Variants in NUF2 observed in about 807,000 individuals in gnomAD.
NUF2 encodes NUF2 component of NDC80 kinetochore complex.
In NUF2, 34 loss-of-function variants were observed where a neutral mutation model predicts 61.8. The observed-to-expected ratio is 0.55, with a 90% confidence interval of 0.42 to 0.73. The LOEUF (loss-of-function observed/expected upper bound fraction) is 0.73. Ranked by LOEUF, NUF2 falls within the 30% of genes least tolerant of loss-of-function variation. The probability of loss-of-function intolerance (pLI) is 0.00; values close to 1 mark genes in which losing one functional copy is unlikely to be tolerated. For missense variants in NUF2, 445 were observed against 539.1 expected, an observed-to-expected ratio of 0.83 and a Z score of 1.73; for synonymous variants, 172 against 181.6, an observed-to-expected ratio of 0.95 and a Z score of 0.42.
intron 13 of NUF2, 83 bp downstream of exon 13, chr1:163,349,163 G>A: frequency 6.7e-6 from 8 of 1,202,422 alleles, no homozygotes; most frequent in Non-Finnish European, 9.3e-6. Flanking sequence ...AGCTTACTTG[G>A]TCTCTGTGTA....
intron 7 of NUF2, 22 bp from the exon 8 acceptor site, chr1:163,339,359 T>C (rs781187123): frequency 6.8e-7 from 1 of 1,467,510 alleles, no homozygotes; most frequent in Admixed American, 1.8e-5. Context: ...AGCAGTATTT[T>C]AATCTATTTT....
intron 1 of NUF2, among the ~76,000 whole-genome samples, chr1:163,325,447 T>G (rs1316239631): frequency 2.0e-5 from 3 of 152,342 alleles, no homozygotes; most frequent in Middle Eastern, 3.4e-3. Context: ...AAATGGTTTT[T>G]TGTTTTCTTA....
chr1:163,349,449 A>G (rs144067717), intron 13 of NUF2, among the ~76,000 whole-genome samples: 2 of 152,280 alleles, frequency 1.3e-5, no homozygotes, highest in East Asian at 3.9e-4. Flanking sequence ...TATGTCTTCA[A>G]GAGTGTTCTA....
At position 163,330,774 on chromosome 1, in the gene NUF2, T is replaced by A. The variant is rs1650568446; in HGVS notation, c.337+1867T>A. On this transcript the variant is annotated intron_variant, in intron 5 of 13. Transcript: ENST00000271452. ...TACTATAAATTTCAGAGTGCAGACC[T>A]TGTATAATAAATTTTGTTAAATTTA... 2.0e-5 allele frequency among the ~76,000 whole-genome samples: 3 copies of A among 152,112 alleles called. No homozygotes were observed. In the South Asian group the frequency reaches 6.2e-4, roughly 31 times the overall value.
chr1:163,323,588 T>C lies in NUF2; in HGVS notation c.-21+1376T>C, dbSNP rs370157538. ...CAAATTAACAGGGCGTGGTAGTGTG[T>C]GCCTGCTGTCGTCCTGGCTACTTGA... is the stretch of plus-strand genomic sequence containing the variant. On this transcript the variant is annotated intron_variant, in intron 1 of 13. Coordinates refer to ENST00000271452, the MANE Select transcript of NUF2 (RefSeq NM_145697.3). Among the ~76,000 whole-genome samples the C allele has an allele frequency of 5.3e-5, 8 of 152,118 alleles. No individual in the cohort carries two copies. In the East Asian group the frequency reaches 1.4e-3, roughly 26 times the overall value.
In NUF2 at chr1:163,339,483, T is replaced by A; in HGVS notation, c.606+6T>A. On this transcript the variant is annotated splice_donor_region_variant and intron_variant, in intron 8 of 13. Coordinates refer to ENST00000271452, the MANE Select transcript of NUF2 (RefSeq NM_145697.3). ...AGGATTTTCATCAAAAAACGGTATC[T>A]GTTGTGAGGCACCTTAAACTTTAAA... 1 of 1,544,888 alleles carries A rather than the reference T, an allele frequency of 6.5e-7. No homozygotes were observed. The highest frequency in any genetic ancestry group is 8.9e-7 in the Non-Finnish European group (1 of 1,120,150).
intron 9 of NUF2, among the ~76,000 whole-genome samples, chr1:163,342,963 G>A (rs1162875682): frequency 6.6e-6 from 1 of 152,102 alleles, no homozygotes; most frequent in Non-Finnish European, 1.5e-5. Context: ...GAGTCATAGA[G>A]GGTCCCCAAA....
rs745599322 is a variant in NUF2 at position 163,348,942 on chromosome 1, C to T, written c.1125-3C>T. On this transcript the variant is annotated splice_region_variant and splice_polypyrimidine_tract_variant and intron_variant, in intron 12 of 13. Coordinates refer to ENST00000271452, the MANE Select transcript of NUF2 (RefSeq NM_145697.3). ...AATATTAGCTGTCTCGATTTTCTTT[C>T]AGGGATTGCAATAAAGTTCAAGAAA... 20 of 1,599,972 alleles carry T rather than the reference C, an allele frequency of 1.3e-5. No homozygotes were observed. The Admixed American group carries it at 3.4e-4, about 27-fold the overall frequency.
intron 3 of NUF2, 37 bp from the exon 4 acceptor site, chr1:163,328,191 A>T: frequency 7.5e-7 from 1 of 1,335,896 alleles, no homozygotes; most frequent in Non-Finnish European, 1.1e-6. Context: ...TTGTCTAATC[A>T]ATGTGTAATG....
chr1:163,327,139 C>T (rs114082880), intron 2 of NUF2, among the ~76,000 whole-genome samples: 5,090 of 146,722 alleles, frequency 0.035, 144 homozygotes, highest in Middle Eastern at 0.074. Context: ...CACACACACA[C>T]ACATTTTCCA....
At chr1:163,323,196 G>A (rs1051894655) in intron 1 of NUF2, 1 of 152,166 alleles carries the variant, frequency 6.6e-6, no homozygotes, top group African/African-American at 2.4e-5. Flanking sequence ...GAGAAGAGAG[G>A]AACAAGTGAT....
chr1:163,341,295 C>T (rs1246438787), intron 9 of NUF2, among the ~76,000 whole-genome samples: 1 of 151,930 alleles, frequency 6.6e-6, no homozygotes, highest in Non-Finnish European at 1.5e-5. Flanking sequence ...CTGCAACCTC[C>T]ACCTCCTGGG....
At chr1:163,335,645 G>C (rs1650734433) in intron 5 of NUF2, among the ~76,000 whole-genome samples, 1 of 151,750 alleles carries the variant, frequency 6.6e-6, no homozygotes, top group Non-Finnish European at 1.5e-5. Flanking sequence ...CACTTTCTTG[G>C]ATATGGTTAT....
chr1:163,349,277 A>G (rs1038249793), intron 13 of NUF2, among the ~76,000 whole-genome samples, 197 bp downstream of exon 13: 1 of 152,292 alleles, frequency 6.6e-6, no homozygotes. Flanking sequence ...GAGAACAGGC[A>G]TCTTGTCTCC....
intron 13 of NUF2, among the ~76,000 whole-genome samples, chr1:163,351,290 A>C (rs1352890368): frequency 6.6e-6 from 1 of 152,150 alleles, no homozygotes; most frequent in Non-Finnish European, 1.5e-5. Context: ...CTTGCCCTTG[A>C]CTTATATTGA....
chr1:163,344,923 A>C (rs973820350), intron 10 of NUF2, among the ~76,000 whole-genome samples: 1 of 152,154 alleles, frequency 6.6e-6, no homozygotes, highest in Non-Finnish European at 1.5e-5. Context: ...CTCTTTTACA[A>C]AAATAAATTT....
chr1:163,347,435 C>G (rs558942701), intron 11 of NUF2, among the ~76,000 whole-genome samples: 2 of 152,288 alleles, frequency 1.3e-5, no homozygotes, highest in East Asian at 3.9e-4. Context: ...TTTCTAGCAC[C>G]TACCCTTTTC....
At chr1:163,328,459 CTG>C in intron 4 of NUF2, 155 bp downstream of exon 4, 1 of 534,848 alleles carries the variant, frequency 1.9e-6, no homozygotes. Flanking sequence ...AAATTGTAGA[CTG>C]TCATCAAACA....
rs963686681 is a variant in NUF2, at chr1:163,334,612, C to CA, written c.338-2131dup. Among the ~76,000 whole-genome samples, 18 of 151,760 alleles carry CA rather than the reference C, an allele frequency of 1.2e-4. 1 individual carries two copies. The highest frequency in any genetic ancestry group is 3.4e-4 in the African/African-American group (14 of 41,382). ...GCAATATAGCAAGATCCTTTTTCTACAAAAAAAATGTTAAAAATGAGCCAG... is the reference window on the plus strand; with the variant it reads ...GCAATATAGCAAGATCCTTTTTCTACAAAAAAAAATGTTAAAAATGAGCCAG... On this transcript the variant is annotated intron_variant, in intron 5 of 13. Transcript: ENST00000271452.
Sources: allele counts gnomAD v4.1 joint callset (sites outside exome capture counted in the v4.1 genomes callset), GRCh38; gene constraint gnomAD v4.1.1; transcripts MANE v1.5; gene names NCBI Gene and HGNC (gene_info 2026-07-23, HGNC 2026-07-21).